The following GRM7 variants were observed in gnomAD, a reference collection of about 807,000 sequenced individuals.
GRM7 encodes metabotropic glutamate receptor 7.
Under a neutral mutation model 84.5 loss-of-function variants are expected in GRM7, and 35 were observed. That is an observed-to-expected ratio of 0.41 (90% CI 0.32 to 0.55). The LOEUF (loss-of-function observed/expected upper bound fraction) is 0.55, where lower values mean the gene tolerates loss of function less well. GRM7 is among the 20% of genes least tolerant of loss of function. GRM7 has a pLI of 0.19. For synonymous variants in GRM7, 487 were observed against 455.1 expected (o/e 1.07, Z -0.89); for missense variants, 1,003 against 1,194.6 (o/e 0.84, Z 2.36).
At chr3:7,047,133 G>A (rs555195893) in intron 1 of GRM7, among the ~76,000 whole-genome samples, 24 of 147,686 alleles carry the variant, frequency 1.6e-4, no homozygotes, top group Non-Finnish European at 3.2e-4. Context: ...CCCACTACCT[G>A]TTTTTTTTTT....
At chr3:7,406,966 A>T (rs1695708525) in intron 4 of GRM7, among the ~76,000 whole-genome samples, 1 of 152,226 alleles carries the variant, frequency 6.6e-6, no homozygotes, top group Non-Finnish European at 1.5e-5. Context: ...AAAATATGGG[A>T]TGTCATTAAT....
At chr3:7,133,129 G>C (rs925511336) in intron 1 of GRM7, among the ~76,000 whole-genome samples, 2 of 152,160 alleles carry the variant, frequency 1.3e-5, no homozygotes, top group African/African-American at 4.8e-5. Flanking sequence ...ACTGAGACAC[G>C]AGATGATTGA....
chr3:7,456,713 A>C (rs952186073), intron 6 of GRM7, among the ~76,000 whole-genome samples: 2 of 150,240 alleles, frequency 1.3e-5, no homozygotes, highest in African/African-American at 4.9e-5. Flanking sequence ...TTTTGTCATC[A>C]TTGTAATCAC....
intron 1 of GRM7, among the ~76,000 whole-genome samples, chr3:6,953,964 A>G (rs1457773680): frequency 3.9e-5 from 6 of 152,158 alleles, no homozygotes; most frequent in Admixed American, 3.9e-4. Flanking sequence ...TTATTAGTTA[A>G]TGGTAGGATT....
At chr3:6,896,953 A>T (rs947306131) in intron 1 of GRM7, among the ~76,000 whole-genome samples, 3 of 152,184 alleles carry the variant, frequency 2.0e-5, no homozygotes, top group Non-Finnish European at 4.4e-5. Context: ...ATCATATTGT[A>T]TCATGGTTAT....
intron 1 of GRM7, among the ~76,000 whole-genome samples, chr3:6,972,358 G>A (rs1344892924): frequency 2.0e-5 from 3 of 152,140 alleles, no homozygotes; most frequent in Non-Finnish European, 2.9e-5. Context: ...AGTTCTGATT[G>A]TCCGTGTTTC....
intron 1 of GRM7, chr3:6,884,084 T>A (rs1695606888): frequency 6.6e-6 from 1 of 152,646 alleles, no homozygotes; most frequent in African/African-American, 2.4e-5. Context: ...CAGTGTGCCA[T>A]CCATTGGTAA....
At chr3:7,667,406 T>A (rs1326491448) in intron 8 of GRM7, among the ~76,000 whole-genome samples, 2 of 152,122 alleles carry the variant, frequency 1.3e-5, no homozygotes, top group South Asian at 2.1e-4. Context: ...CTGAGTACAC[T>A]ATGTAGGAGA....
At chr3:7,495,648 A>T (rs1266990054) in intron 7 of GRM7, among the ~76,000 whole-genome samples, 1 of 152,116 alleles carries the variant, frequency 6.6e-6, no homozygotes, top group African/African-American at 2.4e-5. Flanking sequence ...CTTATTTCTG[A>T]TGTGATTCCC....
At chr3:7,597,188 G>A (rs1696090517) in intron 8 of GRM7, among the ~76,000 whole-genome samples, 1 of 152,126 alleles carries the variant, frequency 6.6e-6, no homozygotes, top group African/African-American at 2.4e-5. Context: ...AAGACGAGGG[G>A]GACGTAGGCA....
intron 4 of GRM7, among the ~76,000 whole-genome samples, chr3:7,319,184 G>A (rs538936651): frequency 2.9e-4 from 44 of 152,114 alleles, no homozygotes; most frequent in African/African-American, 1.1e-3. Flanking sequence ...AGGATGGATC[G>A]TGATAATAGA....
At chr3:7,022,236 C>T (rs796821756) in intron 1 of GRM7, among the ~76,000 whole-genome samples, 17 of 151,382 alleles carry the variant, frequency 1.1e-4, no homozygotes, top group African/African-American at 2.2e-4. Context: ...TGAGGTGGGA[C>T]GATTGCTTGA....
intron 7 of GRM7, among the ~76,000 whole-genome samples, chr3:7,557,139 G>A (rs1166709166): frequency 2.6e-5 from 4 of 152,110 alleles, no homozygotes; most frequent in Non-Finnish European, 5.9e-5. Context: ...GATGTGTGTG[G>A]ATCAGAATGG....
chr3:7,205,307 G>A (rs533831486), intron 2 of GRM7, among the ~76,000 whole-genome samples: 10 of 152,292 alleles, frequency 6.6e-5, no homozygotes, highest in South Asian at 6.2e-4. Context: ...TTAATGTCAC[G>A]TTGTCTAGTG....
intron 2 of GRM7, among the ~76,000 whole-genome samples, chr3:7,242,755 T>C (rs1393655113): frequency 6.6e-6 from 1 of 152,156 alleles, no homozygotes; most frequent in African/African-American, 2.4e-5. Flanking sequence ...AAACAATCTA[T>C]AGTGCCTCTG....
intron 7 of GRM7, among the ~76,000 whole-genome samples, chr3:7,521,474 C>T (rs1700590743): frequency 6.6e-6 from 1 of 152,180 alleles, no homozygotes; most frequent in African/African-American, 2.4e-5. Flanking sequence ...CCCCTTCCAT[C>T]ATGTGAAGTC....
At chr3:7,238,749 TTTTCTTTTCC>T (rs1697436663) in intron 2 of GRM7, among the ~76,000 whole-genome samples, 1 of 150,526 alleles carries the variant, frequency 6.6e-6, no homozygotes, top group African/African-American at 2.5e-5. Flanking sequence ...TTTTCTTTTC[TTTTCTTTTCC>T]TTTCCTTTCC....
At chr3:7,232,544 G>T (rs909995708) in intron 2 of GRM7, among the ~76,000 whole-genome samples, 8 of 152,154 alleles carry the variant, frequency 5.3e-5, no homozygotes, top group Non-Finnish European at 8.8e-5. Flanking sequence ...TGTTTCTTAA[G>T]ATCAGTTTGT....
At chr3:7,208,708 C>A (rs1696321812) in intron 2 of GRM7, among the ~76,000 whole-genome samples, 1 of 152,118 alleles carries the variant, frequency 6.6e-6, no homozygotes, top group African/African-American at 2.4e-5. Flanking sequence ...GATTGTAGTT[C>A]CATAAAACAC....
Sources: gnomAD v4.1 joint callset for allele counts (sites outside exome capture counted in the v4.1 genomes callset) on GRCh38, gnomAD v4.1.1 for gene constraint, MANE v1.5 for transcripts, NCBI Gene and HGNC (gene_info 2026-07-23, HGNC 2026-07-21) for gene names.